Variants in ALDH3A2 observed in about 807,000 individuals in gnomAD.
The protein encoded by ALDH3A2 is aldehyde dehydrogenase family 3 member A2.
ALDH3A2 carries 36 observed loss-of-function variants against 51.3 expected under a neutral mutation model. The ratio of observed to expected loss-of-function variants is 0.70; its 90% CI spans 0.54 to 0.93. The LOEUF (loss-of-function observed/expected upper bound fraction) is 0.93. Ranked by LOEUF, ALDH3A2 falls within the 40% of genes least tolerant of loss-of-function variation. The probability of loss-of-function intolerance (pLI) is 0.00; values close to 1 mark genes in which losing one functional copy is unlikely to be tolerated. For synonymous variants in ALDH3A2, 199 were observed against 219.8 expected, an observed-to-expected ratio of 0.91 and a Z score of 0.84; for missense variants, 552 against 603.1, an observed-to-expected ratio of 0.92 and a Z score of 0.89.
At chr17:19,667,902 A>C (rs921384576) in intron 8 of ALDH3A2, among the ~76,000 whole-genome samples, 4 of 152,176 alleles carry the variant, frequency 2.6e-5, no homozygotes, top group Non-Finnish European at 5.9e-5. Context: ...CTTTTGATAG[A>C]TATTTCAAGT....
In ALDH3A2 at chr17:19,676,299, A is replaced by G. The variant is rs2085187772; in HGVS notation, c.*727A>G. 1 of 152,238 alleles carries G rather than the reference A, an allele frequency of 6.6e-6. No homozygotes were observed. 9.4% of individuals were successfully genotyped at this position (152,238 alleles called of 1,614,324 possible). A position where few individuals can be genotyped will look rare whatever the true frequency, so the allele number is the denominator to read the frequency against. ...TAGTTGCCAAAGTCATGCAAGCATC[A>G]CCTGTCATTCTTGTGTTGGAGTTAT... On this transcript the variant is annotated 3_prime_UTR_variant, in exon 10 of 10. Coordinates refer to ENST00000176643, the MANE Select transcript of ALDH3A2 (RefSeq NM_000382.3).
In ALDH3A2 at chr17:19,668,679, C is replaced by G. The variant is rs1337867684; in HGVS notation, c.1208-3042C>G. The stretch of plus-strand genomic sequence containing the variant: ...GTTGCACACACCTGTAATCCCAGCA[C>G]TTGGGGAGGCCAAGGCACCTGGCTA... On this transcript the variant is annotated intron_variant, in intron 8 of 9. Transcript: ENST00000176643. 8.6e-5 allele frequency among the ~76,000 whole-genome samples: 7 copies of G among 81,754 alleles called. 1 individual carries two copies. The highest frequency in any genetic ancestry group is 2.7e-4 in the African/African-American group (7 of 25,476). 53.6% of individuals were successfully genotyped at this position (81,754 alleles called of 152,430 possible). A position where few individuals can be genotyped will look rare whatever the true frequency, so the allele number is the denominator to read the frequency against.
intron 8 of ALDH3A2, 36 bp from the exon 9 acceptor site, chr17:19,671,685 C>T: frequency 6.4e-7 from 1 of 1,566,608 alleles, no homozygotes; most frequent in Non-Finnish European, 8.8e-7. Context: ...GCATCATCTA[C>T]AGTGAAGCTT....
intron 2 of ALDH3A2, 65 bp downstream of exon 2, chr17:19,651,843 A>G: frequency 7.0e-7 from 1 of 1,436,116 alleles, no homozygotes; most frequent in Admixed American, 1.7e-5. Flanking sequence ...TTAATTGGAA[A>G]TTAAGGATAG....
chr17:19,675,696 A>C lies in ALDH3A2; in HGVS notation c.*124A>C. The C allele has an allele frequency of 8.6e-7, 1 of 1,163,262 alleles. No individual in the cohort carries two copies. 72.1% of individuals were successfully genotyped at this position (1,163,262 alleles called of 1,614,324 possible). A position where few individuals can be genotyped will look rare whatever the true frequency, so the allele number is the denominator to read the frequency against. On this transcript the variant is annotated 3_prime_UTR_variant, in exon 10 of 10. Coordinates refer to ENST00000176643, the MANE Select transcript of ALDH3A2 (RefSeq NM_000382.3). ...GAAAATATGCAAACACTCTGTGATC[A>C]AACTTAAAAGTCATTGCCATTCATC...
chr17:19,671,310 T>G (rs1219865908), intron 8 of ALDH3A2, among the ~76,000 whole-genome samples: 1 of 152,234 alleles, frequency 6.6e-6, no homozygotes, highest in Non-Finnish European at 1.5e-5. Context: ...GGGTTCTGGC[T>G]TTGCCACTTA....
chr17:19,657,646 T>C, intron 4 of ALDH3A2, 99 bp from the exon 5 acceptor site: 2 of 915,712 alleles, frequency 2.2e-6, no homozygotes, highest in South Asian at 1.4e-5. Flanking sequence ...AATATATGAA[T>C]CTATTTTAGT....
chr17:19,651,962 G>A (rs1475806134), intron 2 of ALDH3A2, among the ~76,000 whole-genome samples, 184 bp downstream of exon 2: 2 of 152,116 alleles, frequency 1.3e-5, no homozygotes, highest in African/African-American at 4.8e-5. Flanking sequence ...GAGGAGATTT[G>A]TGTGGCTATG....
In ALDH3A2 at chr17:19,648,761, C is replaced by A; in HGVS notation, c.-211C>A. 4.6e-6 allele frequency: 3 copies of A among 653,080 alleles called. No individual in the cohort carries two copies. The highest frequency in any genetic ancestry group is 7.9e-6 in the Non-Finnish European group (3 of 381,856). 40.5% of individuals were successfully genotyped at this position (653,080 alleles called of 1,614,324 possible). On this transcript the variant is annotated 5_prime_UTR_variant, in exon 1 of 10. Coordinates refer to ENST00000176643, the MANE Select transcript of ALDH3A2 (RefSeq NM_000382.3). ...CTTTGGGTCGAGCTCAGTCCTCCCC[C>A]GGCGCCTCCGACTGGCAGTGGGACT...
Position 19,649,057 on chromosome 17 carries a change from C to T in ALDH3A2, c.86C>T (p.Ala29Val), listed in dbSNP as rs780433740. 16 of 1,583,480 alleles carry T rather than the reference C, an allele frequency of 1.0e-5. No individual in the cohort carries two copies. Among genetic ancestry groups the T allele is most frequent in the African/African-American group, 1.3e-5 (1 of 74,548 alleles). The change falls in exon 1 of 10, where the codon GCC becomes GTC. Residue 29 changes from alanine to valine, a missense_variant. Coordinates refer to ENST00000176643, the MANE Select transcript of ALDH3A2 (RefSeq NM_000382.3). ...CGGTTTCGGCTGCAGCAGCTGGAGG[C>T]CCTGCGGAGGATGGTGCAGGAGCGC... Reference protein sequence around the residue: ...PLRFRLQQLEALRRMVQEREK... With the variant: ...PLRFRLQQLEVLRRMVQEREK...
At chr17:19,652,705 G>C in intron 3 of ALDH3A2, 73 bp downstream of exon 3, 3 of 1,281,256 alleles carry the variant, frequency 2.3e-6, no homozygotes, top group Non-Finnish European at 3.4e-6. Context: ...TCTTGCTATT[G>C]CATGTTATTG....
intron 1 of ALDH3A2, 175 bp downstream of exon 1, chr17:19,649,299 A>G (rs1052513263): frequency 1.8e-5 from 14 of 788,148 alleles, no homozygotes; most frequent in African/African-American, 1.2e-4. Flanking sequence ...CCGGTCCTCT[A>G]GCACTCAGAA....
chr17:19,661,393 T>C, intron 6 of ALDH3A2, 125 bp downstream of exon 6: 1 of 1,136,290 alleles, frequency 8.8e-7, no homozygotes, highest in South Asian at 1.3e-5. Flanking sequence ...TAAATCCTGC[T>C]TTCTGGTATA....
intron 8 of ALDH3A2, among the ~76,000 whole-genome samples, chr17:19,669,235 G>A (rs1024955937): frequency 2.0e-5 from 3 of 152,066 alleles, no homozygotes; most frequent in Admixed American, 6.5e-5. Context: ...CCTGGGAGGC[G>A]GAGGCTGCAG....
intron 3 of ALDH3A2, among the ~76,000 whole-genome samples, chr17:19,653,475 G>A (rs923988048): frequency 6.6e-6 from 1 of 152,178 alleles, no homozygotes; most frequent in African/African-American, 2.4e-5. Flanking sequence ...CATGTTCGGA[G>A]TTTCTTCCTT....
intron 7 of ALDH3A2, among the ~76,000 whole-genome samples, chr17:19,664,281 G>A (rs1436250338): frequency 6.6e-6 from 1 of 152,234 alleles, no homozygotes; most frequent in Non-Finnish European, 1.5e-5. Context: ...GAAGCCGAAA[G>A]TAGGCTGGCC....
At chr17:19,675,450 T>C in intron 9 of ALDH3A2, 108 bp from the exon 10 acceptor site, 1 of 1,137,040 alleles carries the variant, frequency 8.8e-7, no homozygotes, top group South Asian at 1.2e-5. Flanking sequence ...TAGAGTCTCT[T>C]CAGACAGGAG....
Position 19,648,805 on chromosome 17 carries a change from C to T in ALDH3A2, c.-167C>T, listed in dbSNP as rs1426631751. 6.3e-6 allele frequency: 6 copies of T among 950,692 alleles called. No individual in the cohort carries two copies. Among genetic ancestry groups the T allele is most frequent in the Admixed American group, 2.4e-5 (1 of 41,768 alleles). 58.9% of individuals were successfully genotyped at this position (950,692 alleles called of 1,614,324 possible). On this transcript the variant is annotated 5_prime_UTR_variant, in exon 1 of 10. Coordinates refer to ENST00000176643, the MANE Select transcript of ALDH3A2 (RefSeq NM_000382.3). ...TGGGACTCAGCGGGCGTGGAGGTCG[C>T]GGCTGAGCGAGCGAGCCCTGGGCGA... is the stretch of plus-strand genomic sequence containing the variant.
chr17:19,661,821 G>A (rs1370122335), intron 6 of ALDH3A2, among the ~76,000 whole-genome samples: 2 of 149,678 alleles, frequency 1.3e-5, no homozygotes, highest in African/African-American at 4.9e-5. Context: ...GCACCACCTA[G>A]CTTTACTTAT....
Sources: allele counts gnomAD v4.1 joint callset (sites outside exome capture counted in the v4.1 genomes callset), GRCh38; gene constraint gnomAD v4.1.1; transcripts MANE v1.5; gene names NCBI Gene and HGNC (gene_info 2026-07-23, HGNC 2026-07-21).